UBE2E1: variants seen among roughly 807,000 people sequenced by gnomAD.
UBE2E1 encodes the protein ubiquitin conjugating enzyme E2 E1.
In UBE2E1, 6 loss-of-function variants were observed where a neutral mutation model predicts 21.4. The observed-to-expected ratio is 0.28, with a 90% CI of 0.15 to 0.55. The LOEUF is 0.55. Among genes scored for constraint, UBE2E1 ranks in the 20% least tolerant of loss-of-function variants. UBE2E1 has a pLI of 0.93. For missense variants in UBE2E1, 142 were observed against 236.5 expected (o/e 0.60, Z 2.62); for synonymous variants, 87 against 82.7 (o/e 1.05, Z -0.28).
At chr3:23,819,063 T>A (rs1032791804) in intron 3 of UBE2E1, among the ~76,000 whole-genome samples, 4 of 152,102 alleles carry the variant, frequency 2.6e-5, no homozygotes, top group Non-Finnish European at 5.9e-5. Flanking sequence ...GGCAGGCGGA[T>A]CATGAGGTCA....
chr3:23,888,969 C>T, intron 4 of UBE2E1, 143 bp from the exon 5 acceptor site: 1 of 830,096 alleles, frequency 1.2e-6, no homozygotes, highest in Non-Finnish European at 1.8e-6. Context: ...TCAATGAACA[C>T]TTTCTAATCA....
chr3:23,871,200 C>T (rs1180291885), intron 3 of UBE2E1, among the ~76,000 whole-genome samples: 2 of 151,418 alleles, frequency 1.3e-5, no homozygotes, highest in Non-Finnish European at 2.9e-5. Context: ...GGGTACACCT[C>T]CCAGACGGGG....
chr3:23,872,245 C>T (rs1014324901), intron 3 of UBE2E1, among the ~76,000 whole-genome samples: 17 of 152,012 alleles, frequency 1.1e-4, no homozygotes, highest in South Asian at 4.1e-4. Flanking sequence ...TGGCGGCGCG[C>T]GCCTGCAATC....
At chr3:23,845,260 T>C (rs1700171383) in intron 3 of UBE2E1, among the ~76,000 whole-genome samples, 1 of 152,220 alleles carries the variant, frequency 6.6e-6, no homozygotes, top group Non-Finnish European at 1.5e-5. Flanking sequence ...TTTTCTTCTT[T>C]TTACCTCAAG....
chr3:23,880,375 C>T (rs1673796450), intron 3 of UBE2E1, among the ~76,000 whole-genome samples: 1 of 152,006 alleles, frequency 6.6e-6, no homozygotes, highest in Non-Finnish European at 1.5e-5. Context: ...ACAAGCGAAG[C>T]TCTGTCTTAA....
chr3:23,842,629 C>T lies in UBE2E1; in HGVS notation c.203+31119C>T, dbSNP rs1041751206. On this transcript the variant is annotated intron_variant, in intron 3 of 5. Transcript: ENST00000306627. This position sits in a 1 kb window ranked among gnomAD's most constrained non-coding sequence, Gnocchi z 4.6. ...TGAGGAAATAAGTCGGAGTCTCATA[C>T]CTCTGTGTCAACACTGAACAGCATT... Among the ~76,000 whole-genome samples the T allele has an allele frequency of 6.6e-6, 1 of 152,144 alleles. No homozygotes were observed. The highest frequency in any genetic ancestry group is 6.5e-5 in the Admixed American group (1 of 15,274).
At chr3:23,828,752 C>T (rs776674570) in intron 3 of UBE2E1, among the ~76,000 whole-genome samples, 3 of 152,162 alleles carry the variant, frequency 2.0e-5, no homozygotes, top group Non-Finnish European at 2.9e-5. Flanking sequence ...TATAAAGGTT[C>T]GTTAATGACC....
chr3:23,859,740 C>G (rs926448396), intron 3 of UBE2E1, among the ~76,000 whole-genome samples: 2 of 152,192 alleles, frequency 1.3e-5, no homozygotes, highest in Non-Finnish European at 2.9e-5. Context: ...CTTTGCCTTA[C>G]CCAGTTCATT....
rs570636494 is a variant in UBE2E1, at chr3:23,828,946, G to A, written c.203+17436G>A. 2.1e-4 allele frequency among the ~76,000 whole-genome samples: 32 copies of A among 152,248 alleles called. No homozygotes were observed. In the South Asian group the frequency reaches 6.2e-3, roughly 30 times the overall value. On this transcript the variant is annotated intron_variant, in intron 3 of 5. Transcript: ENST00000306627. ...AATAAGTAACAGGGGTTTACTTTCA[G>A]TGGACAGGGTGGATGGAAGGAGAGA... is the stretch of plus-strand genomic sequence containing the variant.
At position 23,816,661 on chromosome 3, in the gene UBE2E1, C is replaced by T. The variant is rs35390745; in HGVS notation, c.203+5151C>T. On this transcript the variant is annotated intron_variant, in intron 3 of 5. Coordinates refer to ENST00000306627, the MANE Select transcript of UBE2E1 (RefSeq NM_003341.5). The surrounding 1 kb of genome is among the most constrained non-coding windows in gnomAD (Gnocchi z 4.8). Reference sequence around the variant, plus strand: ...GGCGGAGCTTGCTGTGAGCAGAGATCGCACCACTGCACTCCAGCCTGGGCA... The same window carrying T: ...GGCGGAGCTTGCTGTGAGCAGAGATTGCACCACTGCACTCCAGCCTGGGCA... Among the ~76,000 whole-genome samples, 45,896 of 151,878 alleles carry T rather than the reference C, an allele frequency of 0.3. 7,476 individuals carry two copies. The highest frequency in any genetic ancestry group is 0.43 in the Middle Eastern group (125 of 294).
rs1699274298 is a variant in UBE2E1, at chr3:23,806,539, C to G, written c.-34+451C>G. Among the ~76,000 whole-genome samples the G allele has an allele frequency of 6.6e-6, 1 of 151,924 alleles. No individual in the cohort carries two copies. Among genetic ancestry groups the G allele is most frequent in the African/African-American group, 2.4e-5 (1 of 41,494 alleles). ...CCATTCCCCGCCGCAGCCCCTATCC[C>G]CCTACAGGAGTGGCGATCGGGCGTG... On this transcript the variant is annotated intron_variant, in intron 1 of 5. Coordinates refer to ENST00000306627, the MANE Select transcript of UBE2E1 (RefSeq NM_003341.5). This position sits in a 1 kb window ranked among gnomAD's most constrained non-coding sequence, Gnocchi z 6.5.
At chr3:23,813,380 T>C (rs1441383023) in intron 3 of UBE2E1, among the ~76,000 whole-genome samples, 1 of 152,200 alleles carries the variant, frequency 6.6e-6, no homozygotes. Context: ...ATTTTTACTT[T>C]TGGTTGGCTA....
At chr3:23,845,587 C>CTGTGTGTGTGTGTGTGTGTGTGTGTG (rs372552220) in intron 3 of UBE2E1, among the ~76,000 whole-genome samples, 14 of 115,536 alleles carry the variant, frequency 1.2e-4, no homozygotes, top group African/African-American at 1.7e-4. Flanking sequence ...CTCTCTCTCT[C>CTGTGTGTGTGTGTGTGTGTGTGTGTG]TCTGTGTGTG....
chr3:23,869,374 TTAAGGA>T, intron 3 of UBE2E1, among the ~76,000 whole-genome samples: 1 of 134,486 alleles, frequency 7.4e-6, no homozygotes, highest in African/African-American at 2.7e-5. Context: ...TTTTTTTTTT[TTAAGGA>T]TTTTCAATTT....
intron 3 of UBE2E1, among the ~76,000 whole-genome samples, chr3:23,885,700 A>C (rs1394325393): frequency 3.3e-5 from 5 of 151,992 alleles, no homozygotes; most frequent in Admixed American, 3.3e-4. Context: ...ATCTATACTA[A>C]AAATACAAAA....
chr3:23,843,170 G>A (rs796608874), intron 3 of UBE2E1, among the ~76,000 whole-genome samples: 1 of 151,674 alleles, frequency 6.6e-6, no homozygotes, highest in Non-Finnish European at 1.5e-5. Flanking sequence ...CCCAGACTAA[G>A]TTTTGTTGAG....
intron 3 of UBE2E1, among the ~76,000 whole-genome samples, chr3:23,867,126 C>A (rs1375009318): frequency 6.9e-6 from 1 of 145,516 alleles, no homozygotes; most frequent in African/African-American, 2.5e-5. Flanking sequence ...GTATTACTTT[C>A]TTCTTGTCTT....
At chr3:23,872,169 G>A (rs554306930) in intron 3 of UBE2E1, among the ~76,000 whole-genome samples, 71 of 152,312 alleles carry the variant, frequency 4.7e-4, no homozygotes, top group Non-Finnish European at 8.1e-4. Context: ...TTAGGAGCTG[G>A]AGACCAGCCC....
Position 23,887,828 on chromosome 3 carries a change from T to A in UBE2E1, c.336+129T>A. 3.9e-6 allele frequency: 5 copies of A among 1,269,080 alleles called. No individual in the cohort carries two copies. Among genetic ancestry groups the A allele is most frequent in the Non-Finnish European group, 5.3e-6 (5 of 941,530 alleles). The allele number at this position is 1,269,080 out of a possible 1,614,324, so 78.6% of individuals were successfully genotyped here. On this transcript the variant is annotated intron_variant, in intron 4 of 5. Transcript: ENST00000306627. This position sits in a 1 kb window ranked among gnomAD's most constrained non-coding sequence, Gnocchi z 4.4. ...TATGTCCTAATAGATCTGAGTATTT[T>A]AACATATACAAAACACTTCTTTAGG...
Sources: allele counts gnomAD v4.1 joint callset (sites outside exome capture counted in the v4.1 genomes callset), GRCh38; gene constraint gnomAD v4.1.1; non-coding constraint Gnocchi (gnomAD v3.1); transcripts MANE v1.5; gene names NCBI Gene and HGNC (gene_info 2026-07-23, HGNC 2026-07-21).